Variants in LYRM9 observed in about 807,000 individuals in gnomAD.
LYRM9 encodes the protein LYR motif containing 9.
In LYRM9, 14 loss-of-function variants were observed where a neutral mutation model predicts 12.6. The ratio of observed to expected loss-of-function variants is 1.11; its 90% CI spans 0.73 to 1.73. The LOEUF (loss-of-function observed/expected upper bound fraction) is 1.73. LYRM9 is among the 40% of genes most tolerant of loss of function. The pLI is 0.00. For synonymous variants in LYRM9, 42 were observed against 35.1 expected, an observed-to-expected ratio of 1.20 and a Z score of -0.69; for missense variants, 94 against 95.0, an observed-to-expected ratio of 0.99 and a Z score of 0.04.
chr17:27,892,537 C>A, intron 1 of LYRM9: 1 of 401,914 alleles, frequency 2.5e-6, no homozygotes, highest in Non-Finnish European at 4.8e-6. Flanking sequence ...GTGAACAAAC[C>A]CAGTCACAAG....
At chr17:27,883,913 C>T (rs1009969837) in intron 1 of LYRM9, among the ~76,000 whole-genome samples, 2 of 124,554 alleles carry the variant, frequency 1.6e-5, no homozygotes, top group Non-Finnish European at 3.2e-5. Flanking sequence ...ACTTCATATA[C>T]TTAAAGTATA....
chr17:27,891,685 T>A (rs907939347), intron 1 of LYRM9, among the ~76,000 whole-genome samples: 1 of 152,210 alleles, frequency 6.6e-6, no homozygotes, highest in African/African-American at 2.4e-5. Flanking sequence ...GTGATTATAA[T>A]CGATGTGACA....
intron 1 of LYRM9, among the ~76,000 whole-genome samples, chr17:27,885,027 A>G (rs753826176): frequency 1.3e-5 from 2 of 152,102 alleles, no homozygotes; most frequent in Non-Finnish European, 2.9e-5. Flanking sequence ...GGTTCCCTGG[A>G]TTCTTGCTCT....
rs151013590 is a variant in LYRM9, at chr17:27,888,584, C to T, written c.-19+4733G>A. On this transcript the variant is annotated intron_variant, in intron 1 of 3. Coordinates refer to ENST00000379102, the MANE Select transcript of LYRM9 (RefSeq NM_001076680.3). ...TAGAGGTGACATGTCATCAGGTCTG[C>T]AGCCTCCTTTCAAATAGTTCAGCAA... Among the ~76,000 whole-genome samples the T allele has an allele frequency of 2.6e-5, 4 of 152,280 alleles. No individual in the cohort carries two copies. The East Asian group carries it at 7.7e-4, about 29-fold the overall frequency.
chr17:27,887,720 G>GC (rs1905281314), intron 1 of LYRM9, among the ~76,000 whole-genome samples: 1 of 68,648 alleles, frequency 1.5e-5, no homozygotes, highest in Non-Finnish European at 2.9e-5. Flanking sequence ...GAGGGTGTGT[G>GC]TGTGTGTGTG....
chr17:27,890,111 G>A (rs998314475), intron 1 of LYRM9, among the ~76,000 whole-genome samples: 3 of 152,146 alleles, frequency 2.0e-5, no homozygotes, highest in Non-Finnish European at 4.4e-5. Context: ...AGCAAGGCCC[G>A]GAATAGAACC....
At chr17:27,883,160 GCAAAACC>G (rs1905121953) in intron 1 of LYRM9, 3 of 376,088 alleles carry the variant, frequency 8.0e-6, no homozygotes, top group Non-Finnish European at 1.7e-5. Context: ...TCCTGAACCA[GCAAAACC>G]CACAGCATCG....
intron 1 of LYRM9, among the ~76,000 whole-genome samples, chr17:27,883,545 G>A (rs1275728461): frequency 4.6e-5 from 7 of 151,738 alleles, no homozygotes; most frequent in African/African-American, 1.7e-4. Context: ...AGCTACTTGG[G>A]AGGCTGAGGC....
At chr17:27,892,887 C>T (rs1365390939) in intron 1 of LYRM9, 1 of 153,450 alleles carries the variant, frequency 6.5e-6, no homozygotes, top group East Asian at 1.9e-4. Context: ...GAGCAACTTG[C>T]TCTTACGCAG....
intron 1 of LYRM9, chr17:27,892,654 A>T: frequency 3.1e-6 from 1 of 319,962 alleles, no homozygotes; most frequent in South Asian, 2.6e-5. Context: ...ATGGGAGTAG[A>T]TGGGAGGGGG....
intron 1 of LYRM9, among the ~76,000 whole-genome samples, chr17:27,885,123 C>A (rs1401532149): frequency 2.0e-5 from 3 of 152,184 alleles, no homozygotes; most frequent in Non-Finnish European, 4.4e-5. Flanking sequence ...CTGGGGTGCA[C>A]CCCTCCCCAG....
chr17:27,885,699 C>T (rs1003661585), intron 1 of LYRM9, among the ~76,000 whole-genome samples: 1 of 96,732 alleles, frequency 1.0e-5, no homozygotes, highest in Admixed American at 1.3e-4. Flanking sequence ...GAAACTCTGT[C>T]TCAAAAAAAA....
intron 2 of LYRM9, among the ~76,000 whole-genome samples, chr17:27,882,280 T>C (rs1316725187): frequency 5.9e-5 from 9 of 152,242 alleles, no homozygotes; most frequent in Admixed American, 5.9e-4. Flanking sequence ...TTGTGCACTG[T>C]TGGCAGGGAT....
chr17:27,883,123 G>A (rs1487413052), intron 1 of LYRM9: 1 of 419,742 alleles, frequency 2.4e-6, no homozygotes, highest in East Asian at 7.4e-5. Flanking sequence ...ATGCCTACAG[G>A]CCTGAGCCTT....
Position 27,879,291 on chromosome 17 carries a change from A to G in LYRM9, c.*182T>C. Reference sequence around the variant, plus strand: ...ATCGTAAGTGGCTGGAAGTGCAAACATAAAGGATGCTAGCAACATGGCCGC... The same window carrying G: ...ATCGTAAGTGGCTGGAAGTGCAAACGTAAAGGATGCTAGCAACATGGCCGC... On this transcript the variant is annotated 3_prime_UTR_variant, in exon 4 of 4. Coordinates refer to ENST00000379102, the MANE Select transcript of LYRM9 (RefSeq NM_001076680.3). 1 of 523,824 alleles carries G rather than the reference A, an allele frequency of 1.9e-6. No homozygotes were observed. The allele number at this position is 523,824 out of a possible 1,614,324, so 32.4% of individuals were successfully genotyped here.
chr17:27,889,354 C>A (rs952460639), intron 1 of LYRM9, among the ~76,000 whole-genome samples: 1 of 151,378 alleles, frequency 6.6e-6, no homozygotes, highest in African/African-American at 2.4e-5. Context: ...GTTCCCCAGG[C>A]TGTAGTGCAA....
intron 3 of LYRM9, 56 bp downstream of exon 3, chr17:27,880,218 G>T (rs576198550): frequency 1.5e-6 from 2 of 1,375,164 alleles, no homozygotes; most frequent in African/African-American, 1.4e-5. Context: ...TGGTCATGGG[G>T]ATCACAGCCA....
In LYRM9 at chr17:27,880,358, C is replaced by T. The variant is rs1450805982; in HGVS notation, c.135G>A (p.Arg45=). ...HYKHAVRQSF[R]VHSDEDNPER... is the part of the protein sequence containing the mutation. ...CAGGGTTGTCTTCATCTGAATGAAC[C>T]CGAAAACTCTGCAAGTTTAAGCATA... The change falls in exon 3 of 4, where the codon CGG becomes CGA. Residue 45 remains arginine, a synonymous_variant. Transcript: ENST00000379102. 1.2e-6 allele frequency: 2 copies of T among 1,603,448 alleles called. No homozygotes were observed. Among genetic ancestry groups the T allele is most frequent in the African/African-American group, 2.7e-5 (2 of 74,746 alleles).
chr17:27,889,739 C>G (rs553006326), intron 1 of LYRM9, among the ~76,000 whole-genome samples: 38 of 152,252 alleles, frequency 2.5e-4, no homozygotes, highest in African/African-American at 7.5e-4. Flanking sequence ...AACAGTCACA[C>G]CCCAGGTAAA....
Sources: allele counts gnomAD v4.1 joint callset (sites outside exome capture counted in the v4.1 genomes callset), GRCh38; gene constraint gnomAD v4.1.1; transcripts MANE v1.5; gene names NCBI Gene and HGNC (gene_info 2026-07-23, HGNC 2026-07-21).